TRMT9B: variants seen among roughly 807,000 people sequenced by gnomAD.
The protein encoded by TRMT9B is probable tRNA methyltransferase 9B.
A neutral mutation model predicts 11.5 loss-of-function variants in TRMT9B; 16 were observed. That is an observed-to-expected ratio of 1.39 (90% CI 0.94 to 2.11). The LOEUF is 2.11. Among genes scored for constraint, TRMT9B ranks in the 30% most tolerant of loss-of-function variants. The probability of loss-of-function intolerance (pLI) is 0.00; values close to 1 mark genes in which losing one functional copy is unlikely to be tolerated. For synonymous variants in TRMT9B, 274 were observed against 192.4 expected, an observed-to-expected ratio of 1.42 and a Z score of -3.51; for missense variants, 941 against 553.8, an observed-to-expected ratio of 1.70 and a Z score of -7.02.
chr8:12,961,021 G>T (rs1222085452), intron 1 of TRMT9B, among the ~76,000 whole-genome samples: 2 of 152,062 alleles, frequency 1.3e-5, no homozygotes, highest in Admixed American at 6.6e-5. Flanking sequence ...CGTGCCTGTA[G>T]TCCCAGCTAC....
intron 2 of TRMT9B, among the ~76,000 whole-genome samples, chr8:12,995,507 A>T (rs1742770272): frequency 6.6e-6 from 1 of 152,156 alleles, no homozygotes; most frequent in African/African-American, 2.4e-5. Flanking sequence ...AACATATATG[A>T]ACCGCATGAT....
intron 2 of TRMT9B, among the ~76,000 whole-genome samples, chr8:13,000,508 G>A (rs572243752): frequency 6.6e-6 from 1 of 152,312 alleles, no homozygotes; most frequent in Admixed American, 6.5e-5. Context: ...AAGGAACAAA[G>A]ATGATTCAAT....
At chr8:12,981,494 C>T (rs906040335) in intron 1 of TRMT9B, among the ~76,000 whole-genome samples, 6 of 152,136 alleles carry the variant, frequency 3.9e-5, no homozygotes, top group Admixed American at 6.6e-5. Context: ...TGTGACGGCA[C>T]GGAGCATTGG....
In TRMT9B at chr8:13,021,619, G is replaced by C; in HGVS notation, c.940G>C (p.Glu314Gln). 3.1e-6 allele frequency: 5 copies of C among 1,613,862 alleles called. No individual in the cohort carries two copies. The highest frequency in any genetic ancestry group is 4.2e-6 in the Non-Finnish European group (5 of 1,179,822). The change falls in exon 5 of 5, where the codon GAA (glutamate) becomes CAA (glutamine). Residue 314 changes from glutamate to glutamine, a missense_variant. Glu to Gln is a conservative substitution (Grantham distance 29). Transcript: ENST00000524591. Reference protein sequence around the residue: ...GQSLDEEVFVESSSGKHLEWL... With the variant: ...GQSLDEEVFVQSSSGKHLEWL... ...AAGTTTAGATGAGGAAGTGTTTGTG[G>C]AATCTTCTTCTGGAAAACACTTGGA...
At chr8:12,948,107 G>A (rs1800354455) in intron 1 of TRMT9B, among the ~76,000 whole-genome samples, 1 of 152,186 alleles carries the variant, frequency 6.6e-6, no homozygotes, top group African/African-American at 2.4e-5. Context: ...AATGGAAAGT[G>A]TTGTAAAATG....
At chr8:12,951,183 G>A (rs998264003) in intron 1 of TRMT9B, 1 of 152,082 alleles carries the variant, frequency 6.6e-6, no homozygotes, top group South Asian at 2.1e-4. Context: ...GATGGGGCTC[G>A]TTTTGCAAAA....
chr8:12,964,435 A>G (rs61627364), intron 1 of TRMT9B, among the ~76,000 whole-genome samples: 2,215 of 152,252 alleles, frequency 0.015, 55 homozygotes, highest in African/African-American at 0.051. Context: ...TTATTTTGTA[A>G]TTTTAAATTT....
chr8:13,012,944 G>T, intron 4 of TRMT9B, 87 bp downstream of exon 4: 2 of 1,384,420 alleles, frequency 1.4e-6, no homozygotes, highest in East Asian at 2.5e-5. Context: ...CATCCGTTCT[G>T]TGTAGAAATG....
intron 4 of TRMT9B, among the ~76,000 whole-genome samples, chr8:13,017,984 A>G (rs543492375): frequency 1.3e-5 from 2 of 151,986 alleles, no homozygotes; most frequent in South Asian, 4.2e-4. Context: ...CTTTAAGTAT[A>G]AATATAAAAC....
chr8:13,001,276 G>C (rs1381133034), intron 2 of TRMT9B, among the ~76,000 whole-genome samples: 1 of 152,176 alleles, frequency 6.6e-6, no homozygotes, highest in Non-Finnish European at 1.5e-5. Flanking sequence ...CTCACCCATG[G>C]ACTGGTTCCC....
At chr8:12,956,982 T>A (rs544749606) in intron 1 of TRMT9B, among the ~76,000 whole-genome samples, 1 of 152,316 alleles carries the variant, frequency 6.6e-6, no homozygotes, top group East Asian at 1.9e-4. Context: ...TTTGTTATAT[T>A]TACCTCTGAT....
chr8:13,004,678 C>T (rs1810091832), intron 2 of TRMT9B, among the ~76,000 whole-genome samples: 1 of 151,998 alleles, frequency 6.6e-6, no homozygotes, highest in African/African-American at 2.4e-5. Context: ...CCAAGTAATA[C>T]GCTGTGGGCC....
At position 13,028,495 on chromosome 8, in the gene TRMT9B, C is replaced by G. The variant is rs983262189; in HGVS notation, c.*6451C>G. On this transcript the variant is annotated 3_prime_UTR_variant, in exon 5 of 5. Coordinates refer to ENST00000524591, the MANE Select transcript of TRMT9B (RefSeq NM_020844.3). ...AGCCAGTGTACCTTGATGTTGAATT[C>G]CCTGAAGAAGGTACAATTATATTTA... 2 of 166,894 alleles carry G rather than the reference C, an allele frequency of 1.2e-5. No homozygotes were observed. The highest frequency in any genetic ancestry group is 1.3e-4 in the Admixed American group (2 of 15,282). 10.3% of individuals were successfully genotyped at this position (166,894 alleles called of 1,614,324 possible).
rs964970301 is a variant in TRMT9B, at chr8:13,004,788, G to C, written c.-1-1414G>C. Among the ~76,000 whole-genome samples, 4 of 152,180 alleles carry C rather than the reference G, an allele frequency of 2.6e-5. No individual in the cohort carries two copies. In the South Asian group the frequency reaches 6.2e-4, roughly 24 times the overall value. ...CACTCCTGCTTAAGAAAAGTGGAGG[G>C]ACAAGGAAAGGGGACTTTGCCTTGC... On this transcript the variant is annotated intron_variant, in intron 2 of 4. Coordinates refer to ENST00000524591, the MANE Select transcript of TRMT9B (RefSeq NM_020844.3).
chr8:13,007,957 A>C (rs1810804167), intron 3 of TRMT9B, among the ~76,000 whole-genome samples: 2 of 152,338 alleles, frequency 1.3e-5, no homozygotes, highest in African/African-American at 4.8e-5. Context: ...ATCGTAAAAG[A>C]ATATACAGTT....
chr8:13,022,160 T>A lies in TRMT9B; in HGVS notation c.*116T>A. The A allele has an allele frequency of 1.4e-6, 1 of 716,136 alleles. No individual in the cohort carries two copies. The highest frequency in any genetic ancestry group is 2.2e-6 in the Non-Finnish European group (1 of 448,068). The allele number at this position is 716,136 out of a possible 1,614,324, so 44.4% of individuals were successfully genotyped here. A position where few individuals can be genotyped will look rare whatever the true frequency, so the allele number is the denominator to read the frequency against. ...TTGTTAATCCATTTACGCTTTGGTC[T>A]GCAGAGACTATTAATTATTTGGTTG... On this transcript the variant is annotated 3_prime_UTR_variant, in exon 5 of 5. Coordinates refer to ENST00000524591, the MANE Select transcript of TRMT9B (RefSeq NM_020844.3).
chr8:12,970,791 T>A (rs1209867059), intron 1 of TRMT9B, among the ~76,000 whole-genome samples: 4 of 152,190 alleles, frequency 2.6e-5, no homozygotes, highest in African/African-American at 9.6e-5. Flanking sequence ...TCACTTCATG[T>A]CTTTCTAGCC....
At chr8:13,018,517 T>C in intron 4 of TRMT9B, among the ~76,000 whole-genome samples, 1 of 152,030 alleles carries the variant, frequency 6.6e-6, no homozygotes, top group Non-Finnish European at 1.5e-5. Flanking sequence ...GTTTTAAAGG[T>C]TTTTTTGTCT....
At chr8:12,951,805 C>T (rs950967926) in intron 1 of TRMT9B, 16 of 151,864 alleles carry the variant, frequency 1.1e-4, no homozygotes, top group African/African-American at 3.4e-4. Flanking sequence ...CTGCGCTTCC[C>T]GCGCGGGGCG....
Sources: gnomAD v4.1 joint callset for allele counts (sites outside exome capture counted in the v4.1 genomes callset) on GRCh38, gnomAD v4.1.1 for gene constraint, MANE v1.5 for transcripts, NCBI Gene and HGNC (gene_info 2026-07-23, HGNC 2026-07-21) for gene names.